Variants in NAV2 observed in about 807,000 individuals in gnomAD.
The protein encoded by NAV2 is helicase, APC down-regulated 1.
A neutral mutation model predicts 223.2 loss-of-function variants in NAV2; 54 were observed. The ratio of observed to expected loss-of-function variants is 0.24; its 90% CI spans 0.19 to 0.30. NAV2 has a LOEUF of 0.30. Ranked by LOEUF, NAV2 falls within the 10% of genes least tolerant of loss-of-function variation. The pLI is 1.00. For synonymous variants in NAV2, 1,279 were observed against 1,239.3 expected, an observed-to-expected ratio of 1.03 and a Z score of -0.67; for missense variants, 2,806 against 3,147.5, an observed-to-expected ratio of 0.89 and a Z score of 2.60.
chr11:19,855,624 G>C (rs751988834), intron 3 of NAV2, among the ~76,000 whole-genome samples: 3 of 152,190 alleles, frequency 2.0e-5, no homozygotes, highest in Non-Finnish European at 4.4e-5. Flanking sequence ...AGAAGAAAGA[G>C]GCATGCATTC....
chr11:20,039,089 TGAG>T, intron 12 of NAV2, among the ~76,000 whole-genome samples: 1 of 152,224 alleles, frequency 6.6e-6, no homozygotes, highest in South Asian at 2.1e-4. Context: ...ATCCCCTGCT[TGAG>T]GCCCAAGAGC....
intron 6 of NAV2, among the ~76,000 whole-genome samples, chr11:19,917,414 T>C (rs1300974560): frequency 6.6e-6 from 1 of 152,198 alleles, no homozygotes; most frequent in African/African-American, 2.4e-5. Flanking sequence ...CTGCCTTCTG[T>C]AAGGCAGTTG....
rs183531176 is a variant in NAV2, at chr11:19,827,133, A to G, written c.268-5351A>G. Among the ~76,000 whole-genome samples the G allele has an allele frequency of 3.1e-3, 479 of 152,326 alleles. 2 individuals carry two copies. Among genetic ancestry groups the G allele is most frequent in the African/African-American group, 0.011 (462 of 41,568 alleles). ...TGGGCAGAGGGGATAGACTGAGTTC[A>G]GAGAGAGGGAAGTGTGGGGTGTGTC... On this transcript the variant is annotated intron_variant, in intron 1 of 37. Coordinates refer to ENST00000349880, the MANE Select transcript of NAV2 (RefSeq NM_145117.5).
chr11:19,914,217 G>A (rs183334041), intron 6 of NAV2, among the ~76,000 whole-genome samples: 8 of 152,350 alleles, frequency 5.3e-5, no homozygotes, highest in African/African-American at 1.7e-4. Flanking sequence ...GAACTCACAT[G>A]TGGAAGACCC....
At chr11:20,112,366 G>A (rs2062708152) in intron 36 of NAV2, among the ~76,000 whole-genome samples, 1 of 152,198 alleles carries the variant, frequency 6.6e-6, no homozygotes, top group African/African-American at 2.4e-5. Flanking sequence ...GCGCAGGACG[G>A]GAGGAGTGCT....
intron 2 of NAV2, among the ~76,000 whole-genome samples, chr11:19,841,628 A>G (rs1244076236): frequency 6.6e-6 from 1 of 152,188 alleles, no homozygotes; most frequent in Non-Finnish European, 1.5e-5. Context: ...AAACAGAGGC[A>G]GGTACAGGGT....
intron 6 of NAV2, among the ~76,000 whole-genome samples, chr11:19,901,671 G>A (rs1457714616): frequency 6.6e-6 from 1 of 152,014 alleles, no homozygotes; most frequent in Non-Finnish European, 1.5e-5. Flanking sequence ...TAATAAATGG[G>A]GAATCATTTA....
At chr11:20,024,640 C>T (rs1421177834) in intron 11 of NAV2, among the ~76,000 whole-genome samples, 1 of 152,228 alleles carries the variant, frequency 6.6e-6, no homozygotes, top group Non-Finnish European at 1.5e-5. Flanking sequence ...CCTCTTACCC[C>T]AAGAAAGAGA....
intron 7 of NAV2, among the ~76,000 whole-genome samples, chr11:19,938,560 T>A (rs147908929): frequency 2.4e-3 from 359 of 152,356 alleles, no homozygotes; most frequent in African/African-American, 8.2e-3. Flanking sequence ...TGAACTAATT[T>A]TAAAACTTTA....
At position 20,011,384 on chromosome 11, in the gene NAV2, G is replaced by A. The variant is rs2053552615; in HGVS notation, c.2769-24575G>A. Reference sequence around the variant, plus strand: ...AGAGAAATCTATCGTTAACACCGTGGTGCTTTCCAGGTGTTTTTTGTTCAT... The same window carrying A: ...AGAGAAATCTATCGTTAACACCGTGATGCTTTCCAGGTGTTTTTTGTTCAT... On this transcript the variant is annotated intron_variant, in intron 11 of 37. Coordinates refer to ENST00000349880, the MANE Select transcript of NAV2 (RefSeq NM_145117.5). Among the ~76,000 whole-genome samples the A allele has an allele frequency of 2.6e-5, 4 of 152,310 alleles. No homozygotes were observed. The South Asian group carries it at 8.3e-4, about 32-fold the overall frequency.
chr11:19,876,606 A>G (rs1416896912), intron 4 of NAV2, among the ~76,000 whole-genome samples: 2 of 152,202 alleles, frequency 1.3e-5, no homozygotes, highest in Non-Finnish European at 2.9e-5. Context: ...GGTTTAGGGA[A>G]CAATGGCCAT....
intron 10 of NAV2, among the ~76,000 whole-genome samples, chr11:19,970,638 G>T (rs1014121452): frequency 1.3e-5 from 2 of 152,198 alleles, no homozygotes; most frequent in African/African-American, 2.4e-5. Context: ...TTGGGTGAAG[G>T]CTGGAGCACA....
chr11:19,804,294 T>A (rs892099926), intron 1 of NAV2, among the ~76,000 whole-genome samples: 5 of 152,250 alleles, frequency 3.3e-5, no homozygotes, highest in African/African-American at 1.2e-4. Flanking sequence ...ATTATTTTAA[T>A]CAGTACTCTT....
intron 26 of NAV2, among the ~76,000 whole-genome samples, chr11:20,089,460 A>T (rs914199214): frequency 6.6e-5 from 10 of 152,198 alleles, no homozygotes; most frequent in African/African-American, 2.4e-4. Flanking sequence ...ACCCTCACCC[A>T]GTTTTACAGG....
In NAV2 at chr11:19,948,147, G is replaced by A. The variant is rs184898913; in HGVS notation, c.2256-544G>A. Among the ~76,000 whole-genome samples, 364 of 152,108 alleles carry A rather than the reference G, an allele frequency of 2.4e-3. 2 individuals are homozygous for A. Among genetic ancestry groups the A allele is most frequent in the African/African-American group, 8.3e-3 (343 of 41,456 alleles). On this transcript the variant is annotated intron_variant, in intron 9 of 37. Coordinates refer to ENST00000349880, the MANE Select transcript of NAV2 (RefSeq NM_145117.5). ...TGTCGGCAGGCTGGAGTGCAGTGAT[G>A]CAATCTCAGCTCACTGCAACCTCAG...
chr11:19,371,535 T>A (rs564987385), intron 1 of NAV2, among the ~76,000 whole-genome samples: 4 of 152,354 alleles, frequency 2.6e-5, no homozygotes, highest in Non-Finnish European at 5.9e-5. Context: ...TTGTGCTGTG[T>A]GCTTTTCATT....
Position 20,119,127 on chromosome 11 carries a change from G to A in NAV2, c.*869G>A, listed in dbSNP as rs1025530171. On this transcript the variant is annotated 3_prime_UTR_variant, in exon 38 of 38. Transcript: ENST00000349880. ...GAGACTTGTTCTACTTTGGAGAACA[G>A]GTTACCTTTTGAAAATGAGGTTGAG... 1 of 150,884 alleles carries A rather than the reference G, an allele frequency of 6.6e-6. No individual in the cohort carries two copies. Among genetic ancestry groups the A allele is most frequent in the Non-Finnish European group, 1.5e-5 (1 of 67,880 alleles). 9.3% of individuals were successfully genotyped at this position (150,884 alleles called of 1,614,324 possible).
intron 1 of NAV2, among the ~76,000 whole-genome samples, chr11:19,754,540 A>G (rs1210277255): frequency 3.9e-5 from 6 of 152,180 alleles, no homozygotes. Context: ...TTTATTTATA[A>G]TGTTTACAGA....
chr11:19,504,445 C>T (rs551350242), intron 1 of NAV2: 1 of 152,294 alleles, frequency 6.6e-6, no homozygotes, highest in Admixed American at 6.5e-5. Flanking sequence ...AACCTTTATT[C>T]ATGTCAGAGT....
Sources: gnomAD v4.1 joint callset for allele counts (sites outside exome capture counted in the v4.1 genomes callset) on GRCh38, gnomAD v4.1.1 for gene constraint, MANE v1.5 for transcripts, NCBI Gene and HGNC (gene_info 2026-07-23, HGNC 2026-07-21) for gene names.